Variants in METAP1D observed in about 807,000 individuals in gnomAD.
METAP1D encodes the protein methionyl aminopeptidase type 1D, mitochondrial, also known as methionine aminopeptidase 1D, mitochondrial.
A neutral mutation model predicts 40.5 loss-of-function variants in METAP1D; 31 were observed. That is an observed-to-expected ratio of 0.77 (90% CI 0.58 to 1.03). METAP1D has a LOEUF of 1.03. Among genes scored for constraint, METAP1D ranks in the 50% least tolerant of loss-of-function variants. The probability of loss-of-function intolerance (pLI) is 0.00; values close to 1 mark genes in which losing one functional copy is unlikely to be tolerated. For synonymous variants in METAP1D, 151 were observed against 146.4 expected, an observed-to-expected ratio of 1.03 and a Z score of -0.22; for missense variants, 411 against 420.7, an observed-to-expected ratio of 0.98 and a Z score of 0.20.
intron 1 of METAP1D, among the ~76,000 whole-genome samples, chr2:172,058,012 A>C (rs893092045): frequency 6.6e-6 from 1 of 150,532 alleles, no homozygotes; most frequent in African/African-American, 2.4e-5. Flanking sequence ...AGCTCAGTGC[A>C]TAACTCAGTG....
chr2:172,013,727 C>T (rs372231952), intron 1 of METAP1D, among the ~76,000 whole-genome samples: 5 of 152,096 alleles, frequency 3.3e-5, no homozygotes, highest in African/African-American at 1.2e-4. Context: ...CTTGGCAGAA[C>T]GTGACCATGC....
intron 1 of METAP1D, among the ~76,000 whole-genome samples, chr2:172,042,885 G>A (rs189299672): frequency 0.8 from 13,293 of 16,544 alleles, 6,551 homozygotes; most frequent in Middle Eastern, 1. Flanking sequence ...GTGTAAATAT[G>A]TACATATATG....
chr2:172,032,506 T>C (rs1689262965), intron 1 of METAP1D, among the ~76,000 whole-genome samples: 2 of 152,166 alleles, frequency 1.3e-5, no homozygotes, highest in Admixed American at 1.3e-4. Flanking sequence ...ACTGGTTAAG[T>C]AGAAGGAAAG....
chr2:172,053,353 G>A (rs146772371), intron 1 of METAP1D, among the ~76,000 whole-genome samples: 20 of 152,270 alleles, frequency 1.3e-4, no homozygotes, highest in African/African-American at 4.8e-4. Context: ...TACTGTAGGA[G>A]GCAACATTTT....
intron 5 of METAP1D, among the ~76,000 whole-genome samples, chr2:172,068,205 G>A (rs1183872980): frequency 1.3e-5 from 2 of 152,042 alleles, no homozygotes; most frequent in East Asian, 3.9e-4. Context: ...CCAACATGGT[G>A]AAATCCCATC....
chr2:172,011,084 GAT>G (rs1688709490), intron 1 of METAP1D, among the ~76,000 whole-genome samples: 1 of 150,632 alleles, frequency 6.6e-6, no homozygotes, highest in African/African-American at 2.4e-5. Flanking sequence ...GCTTTTTTGA[GAT>G]ATAATTCACA....
At chr2:172,013,699 A>G (rs1267617825) in intron 1 of METAP1D, among the ~76,000 whole-genome samples, 1 of 152,006 alleles carries the variant, frequency 6.6e-6, no homozygotes, top group Admixed American at 6.6e-5. Context: ...GAATAGAGAG[A>G]GCAAAATGAC....
At chr2:172,047,687 G>A (rs971918473) in intron 1 of METAP1D, among the ~76,000 whole-genome samples, 64 of 152,252 alleles carry the variant, frequency 4.2e-4, no homozygotes, top group African/African-American at 1.5e-3. Flanking sequence ...CGCACACCTC[G>A]GCCTCCCAAA....
At chr2:172,067,459 T>G (rs1357780240) in intron 5 of METAP1D, among the ~76,000 whole-genome samples, 1 of 152,206 alleles carries the variant, frequency 6.6e-6, no homozygotes, top group African/African-American at 2.4e-5. Context: ...TTTATCCTAC[T>G]TAAAATGCTT....
chr2:172,003,811 G>GTTC (rs1688521080), intron 1 of METAP1D, among the ~76,000 whole-genome samples: 1 of 151,824 alleles, frequency 6.6e-6, no homozygotes, highest in African/African-American at 2.4e-5. Flanking sequence ...GTAGCACAGG[G>GTTC]TGAAGTGCAG....
chr2:172,024,031 T>C (rs183015534), intron 1 of METAP1D, among the ~76,000 whole-genome samples: 145 of 152,102 alleles, frequency 9.5e-4, no homozygotes, highest in Non-Finnish European at 1.7e-3. Flanking sequence ...ATTTTTGATT[T>C]TGTATTTTTA....
In METAP1D at chr2:172,018,782, T is replaced by TG. The variant is rs1688939230; in HGVS notation, c.40+18774dup. On this transcript the variant is annotated intron_variant, in intron 1 of 9. Coordinates refer to ENST00000315796, the MANE Select transcript of METAP1D (RefSeq NM_199227.3). ...CACCTGCTGCGGGCTATTACCTTTC[T>TG]GCCCTCCTATTTATCTTCCAGAATG... is the stretch of plus-strand genomic sequence containing the variant. 4.0e-5 allele frequency among the ~76,000 whole-genome samples: 6 copies of TG among 151,352 alleles called. No individual in the cohort carries two copies. The South Asian group carries it at 1.3e-3, about 32-fold the overall frequency.
intron 1 of METAP1D, among the ~76,000 whole-genome samples, chr2:172,024,748 TTGTGTGTG>T (rs61596658): frequency 3.3e-3 from 217 of 66,648 alleles, no homozygotes; most frequent in Non-Finnish European, 6.0e-3. Context: ...GACATATAGA[TTGTGTGTG>T]TGTGTGTGTG....
At chr2:172,048,019 T>C (rs1689800192) in intron 1 of METAP1D, among the ~76,000 whole-genome samples, 1 of 152,206 alleles carries the variant, frequency 6.6e-6, no homozygotes, top group South Asian at 2.1e-4. Context: ...AAAATTAGGC[T>C]GTCCGTAATT....
At position 172,080,418 on chromosome 2, in the gene METAP1D, A is replaced by G. The variant is rs770441915; in HGVS notation, c.*12A>G. 11 of 1,613,746 alleles carry G rather than the reference A, an allele frequency of 6.8e-6. No individual in the cohort carries two copies. Among genetic ancestry groups the G allele is most frequent in the Non-Finnish European group, 9.3e-6 (11 of 1,179,718 alleles). On this transcript the variant is annotated 3_prime_UTR_variant, in exon 10 of 10. Coordinates refer to ENST00000315796, the MANE Select transcript of METAP1D (RefSeq NM_199227.3). ...CCCATGAGGCCTGAGGAGCCGCCCG[A>G]AGGTCGCGGTGACCTGGTGCCTTTT...
At chr2:172,033,654 C>T (rs556684275) in intron 1 of METAP1D, among the ~76,000 whole-genome samples, 1 of 151,814 alleles carries the variant, frequency 6.6e-6, no homozygotes, top group African/African-American at 2.4e-5. Flanking sequence ...CCGGGCCCAG[C>T]CCATTTGTTT....
chr2:172,054,748 A>G (rs1689965269), intron 1 of METAP1D, among the ~76,000 whole-genome samples: 1 of 152,182 alleles, frequency 6.6e-6, no homozygotes, highest in Non-Finnish European at 1.5e-5. Context: ...GACATAGAGC[A>G]ATTTCAAGAG....
Position 172,000,661 on chromosome 2 carries a change from T to C in METAP1D, c.40+652T>C, listed in dbSNP as rs1382931613. 2.0e-5 allele frequency among the ~76,000 whole-genome samples: 3 copies of C among 151,204 alleles called. No individual in the cohort carries two copies. In the East Asian group the frequency reaches 5.8e-4, roughly 29 times the overall value. ...GGACGGGGGAAGAGGAAAACTATCATATTTTGAGGAGCTACTTAAGCGTCA... is the reference window on the plus strand; with the variant it reads ...GGACGGGGGAAGAGGAAAACTATCACATTTTGAGGAGCTACTTAAGCGTCA... On this transcript the variant is annotated intron_variant, in intron 1 of 9. Coordinates refer to ENST00000315796, the MANE Select transcript of METAP1D (RefSeq NM_199227.3).
intron 3 of METAP1D, 73 bp downstream of exon 3, chr2:172,063,933 A>C: frequency 7.0e-7 from 1 of 1,433,584 alleles, no homozygotes; most frequent in Non-Finnish European, 9.2e-7. Flanking sequence ...CCTTCTCCTT[A>C]ACTCTTCTTT....
Sources: allele counts gnomAD v4.1 joint callset (sites outside exome capture counted in the v4.1 genomes callset), GRCh38; gene constraint gnomAD v4.1.1; transcripts MANE v1.5; gene names NCBI Gene and HGNC (gene_info 2026-07-23, HGNC 2026-07-21).